The following DLC1 variants were observed in gnomAD, a reference collection of about 807,000 sequenced individuals.
DLC1 encodes the protein DLC1 Rho GTPase activating protein.
In DLC1, 54 loss-of-function variants were observed where a neutral mutation model predicts 140.3. The ratio of observed to expected loss-of-function variants is 0.38; its 90% CI spans 0.31 to 0.48. The LOEUF is 0.48. Ranked by LOEUF, DLC1 falls within the 20% of genes least tolerant of loss-of-function variation. DLC1 has a pLI of 0.96. For missense variants in DLC1, 2,536 were observed against 1,907.0 expected, an observed-to-expected ratio of 1.33 and a Z score of -6.14; for synonymous variants, 986 against 728.1, an observed-to-expected ratio of 1.35 and a Z score of -5.70.
At chr8:13,457,432 A>T (rs1799445187) in intron 2 of DLC1, among the ~76,000 whole-genome samples, 1 of 152,096 alleles carries the variant, frequency 6.6e-6, no homozygotes, top group African/African-American at 2.4e-5. Context: ...TAATCCCAGC[A>T]CTTTGAGAGG....
chr8:13,435,407 G>A (rs745452525), intron 2 of DLC1, among the ~76,000 whole-genome samples: 12 of 151,528 alleles, frequency 7.9e-5, no homozygotes, highest in Non-Finnish European at 1.3e-4. Flanking sequence ...TCCACCTCCC[G>A]GGTTCAAGCA....
At chr8:13,251,102 C>G (rs1227976297) in intron 5 of DLC1, among the ~76,000 whole-genome samples, 2 of 152,160 alleles carry the variant, frequency 1.3e-5, no homozygotes, top group Non-Finnish European at 2.9e-5. Flanking sequence ...ACCTTCTTGT[C>G]TTCTCACATG....
In DLC1 at chr8:13,493,600, A is replaced by G. The variant is rs528877090; in HGVS notation, c.1023+5449T>C. Reference sequence around the variant, plus strand: ...ATCCTTCTTCTAGCTATTTGAAACTATGTATTATTGTTAACTATAGTTACA... The same window carrying G: ...ATCCTTCTTCTAGCTATTTGAAACTGTGTATTATTGTTAACTATAGTTACA... On this transcript the variant is annotated intron_variant, in intron 2 of 17. Coordinates refer to ENST00000276297, the MANE Select transcript of DLC1 (RefSeq NM_182643.3). 1.4e-3 allele frequency among the ~76,000 whole-genome samples: 207 copies of G among 152,306 alleles called. 2 individuals carry two copies. The highest frequency in any genetic ancestry group is 4.6e-3 in the African/African-American group (193 of 41,566).
intron 4 of DLC1, among the ~76,000 whole-genome samples, chr8:13,345,547 C>CTGTTTTTTTTT (rs1834290587): frequency 1.5e-5 from 1 of 67,520 alleles, no homozygotes; most frequent in Non-Finnish European, 2.6e-5. Context: ...TTCACTCACA[C>CTGTTTTTTTTT]TTTTTTTTTT....
intron 4 of DLC1, among the ~76,000 whole-genome samples, chr8:13,337,653 A>T (rs1833861859): frequency 6.6e-6 from 1 of 152,158 alleles, no homozygotes; most frequent in African/African-American, 2.4e-5. Context: ...AAGAAATCTA[A>T]ATTTCCAAGA....
intron 5 of DLC1, among the ~76,000 whole-genome samples, chr8:13,263,548 C>A (rs757980848): frequency 6.6e-6 from 1 of 150,670 alleles, no homozygotes; most frequent in Non-Finnish European, 1.5e-5. Context: ...AAAAACTATT[C>A]GTCATATATT....
At chr8:13,087,214 C>G (rs539431912) in intron 16 of DLC1, among the ~76,000 whole-genome samples, 1 of 152,214 alleles carries the variant, frequency 6.6e-6, no homozygotes, top group African/African-American at 2.4e-5. Context: ...CCAGCCTGGA[C>G]AATATGGTGA....
At chr8:13,582,423 A>G (rs776456926) in intron 1 of DLC1, among the ~76,000 whole-genome samples, 1 of 152,134 alleles carries the variant, frequency 6.6e-6, no homozygotes, top group African/African-American at 2.4e-5. Context: ...TGGACTGGGG[A>G]AGGCAGACCC....
intron 8 of DLC1, among the ~76,000 whole-genome samples, chr8:13,101,620 T>G (rs907006809): frequency 3.9e-5 from 6 of 152,130 alleles, no homozygotes; most frequent in African/African-American, 1.2e-4. Flanking sequence ...CCACTATCAG[T>G]GCTTTGGAGA....
At chr8:13,208,913 T>G (rs895419142) in intron 5 of DLC1, among the ~76,000 whole-genome samples, 3 of 152,166 alleles carry the variant, frequency 2.0e-5, no homozygotes, top group Admixed American at 6.6e-5. Flanking sequence ...ATTTGCAGCT[T>G]AAGTTGTGAA....
In DLC1 at chr8:13,482,342, CAGAG is replaced by C. The variant is rs34281588; in HGVS notation, c.1023+16703_1023+16706del. Among the ~76,000 whole-genome samples the C allele has an allele frequency of 5.6e-3, 855 of 151,378 alleles. 4 individuals carry two copies. The highest frequency in any genetic ancestry group is 0.019 in the African/African-American group (799 of 41,304). The stretch of plus-strand genomic sequence containing the variant: ...TGGTGTCTACAAGAATGGGACAAGT[CAGAG>C]AGAGAGAGTTTAACTTTTCATTTTA... On this transcript the variant is annotated intron_variant, in intron 2 of 17. Coordinates refer to ENST00000276297, the MANE Select transcript of DLC1 (RefSeq NM_182643.3).
intron 7 of DLC1, among the ~76,000 whole-genome samples, chr8:13,109,009 C>G (rs1245994678): frequency 6.6e-6 from 1 of 152,128 alleles, no homozygotes; most frequent in Admixed American, 6.5e-5. Context: ...AATTGGACTA[C>G]AAAAGTGACA....
chr8:13,431,482 C>CAAAA (rs56057254), intron 2 of DLC1, among the ~76,000 whole-genome samples: 2,094 of 40,864 alleles, frequency 0.051, 126 homozygotes, highest in Non-Finnish European at 0.057. Flanking sequence ...GACTCCGTCT[C>CAAAA]AAAAAAAAAA....
chr8:13,486,160 G>A (rs972515919), intron 2 of DLC1, among the ~76,000 whole-genome samples: 3 of 152,130 alleles, frequency 2.0e-5, no homozygotes, highest in Non-Finnish European at 2.9e-5. Flanking sequence ...AAGGAGTACA[G>A]AATAACCGAA....
In DLC1 at chr8:13,499,384, C is replaced by A. The variant is rs956885502; in HGVS notation, c.688G>T (p.Val230Leu). 6.2e-7 allele frequency: 1 copy of A among 1,613,932 alleles called. No individual in the cohort carries two copies. The highest frequency in any genetic ancestry group is 1.7e-5 in the Admixed American group (1 of 59,960). Residue 230 changes from valine to leucine, a missense_variant, in exon 2 of 18, where the codon GTA becomes TTA. By Grantham distance (32) the Val-to-Leu change is conservative. Transcript: ENST00000276297. ...APEKQLLNSAVIAQQRRKPDP... is the reference protein window; with the variant it reads ...APEKQLLNSALIAQQRRKPDP... ...GGTTTCCTTCGTTGCTGAGCAATTA[C>A]AGCAGAGTTAAGCAATTGTTTCTCA...
At chr8:13,536,195 G>A (rs1803276581) in intron 1 of DLC1, 1 of 152,194 alleles carries the variant, frequency 6.6e-6, no homozygotes, top group African/African-American at 2.4e-5. Context: ...TGAATGAAGA[G>A]TGAGAGGCAA....
At chr8:13,567,865 G>C (rs1263631015) in intron 1 of DLC1, 1 of 1,551,756 alleles carries the variant, frequency 6.4e-7, no homozygotes, top group Non-Finnish European at 8.7e-7. Flanking sequence ...TGGAAATAGT[G>C]CTTGTCATTT....
At chr8:13,388,184 T>A (rs1249052551) in intron 4 of DLC1, among the ~76,000 whole-genome samples, 5 of 152,174 alleles carry the variant, frequency 3.3e-5, no homozygotes, top group Middle Eastern at 3.4e-3. Flanking sequence ...TCAGACTGTC[T>A]TAGACATCTT....
chr8:13,360,721 A>G (rs1586206208), intron 4 of DLC1, among the ~76,000 whole-genome samples: 1 of 152,140 alleles, frequency 6.6e-6, no homozygotes, highest in African/African-American at 2.4e-5. Flanking sequence ...CAAGTAATCC[A>G]TGTCTTAGAA....
Sources: gnomAD v4.1 joint callset for allele counts (sites outside exome capture counted in the v4.1 genomes callset) on GRCh38, gnomAD v4.1.1 for gene constraint, MANE v1.5 for transcripts, NCBI Gene and HGNC (gene_info 2026-07-23, HGNC 2026-07-21) for gene names.